PNP: variants seen among roughly 807,000 people sequenced by gnomAD.
PNP encodes the protein purine nucleoside phosphorylase, also known as HEL-S-156an.
A neutral mutation model predicts 26.8 loss-of-function variants in PNP; 18 were observed. The observed-to-expected ratio is 0.67, with a 90% CI of 0.46 to 1.00. PNP has a LOEUF of 1.00. Ranked by LOEUF, PNP falls within the 50% of genes least tolerant of loss-of-function variation. The pLI is 0.00. For synonymous variants in PNP, 116 were observed against 124.8 expected (o/e 0.93, Z 0.47); for missense variants, 320 against 362.9 (o/e 0.88, Z 0.96).
At position 20,469,421 on chromosome 14, in the gene PNP, A is replaced by G. The variant is rs1385546279; in HGVS notation, c.-104A>G. 6 of 1,474,090 alleles carry G rather than the reference A, an allele frequency of 4.1e-6. No homozygotes were observed. The highest frequency in any genetic ancestry group is 5.6e-6 in the Non-Finnish European group (6 of 1,078,180). 91.3% of individuals were successfully genotyped at this position (1,474,090 alleles called of 1,614,324 possible). A position where few individuals can be genotyped will look rare whatever the true frequency, so the allele number is the denominator to read the frequency against. On this transcript the variant is annotated 5_prime_UTR_variant, in exon 1 of 6. Coordinates refer to ENST00000361505, the MANE Select transcript of PNP (RefSeq NM_000270.4). ...CCAGTGAGCCAACTGTGCGAACCAG[A>G]CCCGGCAGCCTTGCTCAGTTCAGCA...
chr14:20,471,039 A>G (rs949322144), intron 1 of PNP, among the ~76,000 whole-genome samples: 2 of 151,228 alleles, frequency 1.3e-5, no homozygotes, highest in African/African-American at 4.9e-5. Flanking sequence ...ATTTTTATTT[A>G]TTTATTTTGG....
At chr14:20,470,043 C>T (rs146589032) in intron 1 of PNP, among the ~76,000 whole-genome samples, 61 of 152,332 alleles carry the variant, frequency 4.0e-4, no homozygotes, top group African/African-American at 1.5e-3. Context: ...TCCTTCCAGA[C>T]TGGCAGTATG....
At chr14:20,474,193 TG>T (rs1209457400) in intron 2 of PNP, 1 of 398,608 alleles carries the variant, frequency 2.5e-6, no homozygotes, top group African/African-American at 2.1e-5. Flanking sequence ...TGTATTATCT[TG>T]AAATTTCTTT....
Position 20,474,775 on chromosome 14 carries a change from G to A in PNP, c.288G>A (p.Val96=), listed in dbSNP as rs750585123. ...TTTTCGGATTGTTTGCTTCGAAGGT[G>A]ACATTCCCAGTGAGGGTTTTCCACC... ...HMYEGYPLWK[V]TFPVRVFHLL... The change falls in exon 4 of 6, where the codon GTG becomes GTA. Residue 96 remains valine (V), a splice_region_variant and synonymous_variant. Transcript: ENST00000361505. 8.7e-6 allele frequency: 14 copies of A among 1,614,044 alleles called. No individual in the cohort carries two copies. Among genetic ancestry groups the A allele is most frequent in the Middle Eastern group, 1.6e-4 (1 of 6,062 alleles).
In PNP at chr14:20,474,037, C is replaced by G. The variant is rs548130087; in HGVS notation, c.182-435C>G. The G allele has an allele frequency of 5.6e-5, 12 of 215,984 alleles. No homozygotes were observed. The East Asian group carries it at 1.4e-3, about 26-fold the overall frequency. 13.4% of individuals were successfully genotyped at this position (215,984 alleles called of 1,614,324 possible). On this transcript the variant is annotated intron_variant, in intron 2 of 5. Coordinates refer to ENST00000361505, the MANE Select transcript of PNP (RefSeq NM_000270.4). ...TCCCCATCCCACTTTCTCACCTTTCCGAGTCCCCAGTGTCTATTATTTCAC... is the reference window on the plus strand; with the variant it reads ...TCCCCATCCCACTTTCTCACCTTTCGGAGTCCCCAGTGTCTATTATTTCAC...
In PNP at chr14:20,474,938, A is replaced by G; in HGVS notation, c.451A>G (p.Asn151Asp). 1 of 1,614,126 alleles carries G rather than the reference A, an allele frequency of 6.2e-7. No homozygotes were observed. Among genetic ancestry groups the G allele is most frequent in the Non-Finnish European group, 8.5e-7 (1 of 1,180,012 alleles). ...FSGQNPLRGP[N>D]DERFGDRFPA... Reference sequence around the variant, plus strand: ...TGGTCAGAACCCTCTCAGAGGGCCCAATGATGAAAGGTATGTATGTTACTC... The same window carrying G: ...TGGTCAGAACCCTCTCAGAGGGCCCGATGATGAAAGGTATGTATGTTACTC... Residue 151 changes from asparagine to aspartate, a missense_variant, in exon 4 of 6, where the codon AAT (asparagine) becomes GAT (aspartate). Transcript: ENST00000361505.
Position 20,472,124 on chromosome 14 carries a change from G to A in PNP, c.12-184G>A, listed in dbSNP as rs370359016. ...GTAGTTTCATATCAGACTTGTAGTG[G>A]GCTTGATTCAGAAAGAAGGGTGGCT... is the stretch of plus-strand genomic sequence containing the variant. On this transcript the variant is annotated intron_variant, in intron 1 of 5. Coordinates refer to ENST00000361505, the MANE Select transcript of PNP (RefSeq NM_000270.4). 2.6e-5 allele frequency among the ~76,000 whole-genome samples: 4 copies of A among 152,102 alleles called. No individual in the cohort carries two copies. In the East Asian group the frequency reaches 5.8e-4, roughly 22 times the overall value.
intron 5 of PNP, 92 bp from the exon 6 acceptor site, chr14:20,476,292 A>T: frequency 9.2e-7 from 1 of 1,083,364 alleles, no homozygotes; most frequent in Non-Finnish European, 1.4e-6. Context: ...GTTTTTTGAG[A>T]TTTTTAATTC....
rs565471155 is a variant in PNP, at chr14:20,474,584, G to T, written c.285+9G>T. The T allele has an allele frequency of 2.5e-6, 4 of 1,610,250 alleles. No homozygotes were observed. The East Asian group carries it at 8.9e-5, about 36-fold the overall frequency. On this transcript the variant is annotated intron_variant, in intron 3 of 5. Transcript: ENST00000361505. The stretch of plus-strand genomic sequence containing the variant: ...GGTACCCACTCTGGAAGGTAAGTCA[G>T]AGGGATAGGTCCGGTTGGATCTGGA...
chr14:20,474,999 C>T (rs1566525722), intron 4 of PNP, 51 bp downstream of exon 4: 3 of 1,613,482 alleles, frequency 1.9e-6, no homozygotes, highest in Non-Finnish European at 1.7e-6. Flanking sequence ...AAAGACTTCT[C>T]TAGGAGCTGT....
Position 20,472,748 on chromosome 14 carries a change from GGTT to G in PNP, c.181+275_181+277del, listed in dbSNP as rs1390803499. The G allele has an allele frequency of 1.0e-5, 5 of 477,548 alleles. No individual in the cohort carries two copies. The East Asian group carries it at 1.1e-4, about 10-fold the overall frequency. The allele number at this position is 477,548 out of a possible 1,614,324, so 29.6% of individuals were successfully genotyped here. On this transcript the variant is annotated intron_variant, in intron 2 of 5. Transcript: ENST00000361505. ...TGACAGGGGCCAAGTAAAGGGCAAG[GGTT>G]GTTTATTTGGTTTACGTAATTTCTC...
At position 20,477,079 on chromosome 14, in the gene PNP, A is replaced by T. The variant is rs940610030; in HGVS notation, c.*478A>T. ...CATAATGTTGTCAGAATAAAGAGAA[A>T]GATGAAATAATTTCATTTTTTTGTG... is the stretch of plus-strand genomic sequence containing the variant. On this transcript the variant is annotated 3_prime_UTR_variant, in exon 6 of 6. Coordinates refer to ENST00000361505, the MANE Select transcript of PNP (RefSeq NM_000270.4). The T allele has an allele frequency of 5.0e-6, 1 of 199,072 alleles. No individual in the cohort carries two copies. The highest frequency in any genetic ancestry group is 1.2e-4 in the East Asian group (1 of 8,152). 12.3% of individuals were successfully genotyped at this position (199,072 alleles called of 1,614,324 possible). A position where few individuals can be genotyped will look rare whatever the true frequency, so the allele number is the denominator to read the frequency against.
chr14:20,472,431 C>G lies in PNP; in HGVS notation c.135C>G (p.Ala45=). ...GTCTGACTGATAAATTAACTCAGGC[C>G]CAGATCTTTGACTACGGTGAAATCC... ...LGGLTDKLTQ[A]QIFDYGEIPN... The change falls in exon 2 of 6, where the codon GCC becomes GCG. Residue 45 remains alanine, a synonymous_variant. Coordinates refer to ENST00000361505, the MANE Select transcript of PNP (RefSeq NM_000270.4). 6.2e-7 allele frequency: 1 copy of G among 1,614,072 alleles called. No individual in the cohort carries two copies. The highest frequency in any genetic ancestry group is 1.1e-5 in the South Asian group (1 of 91,078).
chr14:20,472,038 T>G (rs1280344166), intron 1 of PNP, among the ~76,000 whole-genome samples: 3 of 152,192 alleles, frequency 2.0e-5, no homozygotes, highest in Non-Finnish European at 2.9e-5. Flanking sequence ...GATCCAACAC[T>G]GGAGTTGGGC....
At chr14:20,470,156 C>A (rs769878040) in intron 1 of PNP, among the ~76,000 whole-genome samples, 1 of 152,196 alleles carries the variant, frequency 6.6e-6, no homozygotes, top group South Asian at 2.1e-4. Flanking sequence ...TTTGAAAACT[C>A]TTCTCTCGGC....
At chr14:20,471,936 G>T (rs1479821237) in intron 1 of PNP, among the ~76,000 whole-genome samples, 1 of 152,092 alleles carries the variant, frequency 6.6e-6, no homozygotes, top group Admixed American at 6.6e-5. Context: ...TCCCTAATTT[G>T]ATTATTTCCT....
At chr14:20,470,212 C>T (rs1215539765) in intron 1 of PNP, among the ~76,000 whole-genome samples, 2 of 152,242 alleles carry the variant, frequency 1.3e-5, no homozygotes, top group African/African-American at 4.8e-5. Flanking sequence ...TTAGGCATCA[C>T]AGTTGCTTTT....
In PNP at chr14:20,476,703, C is replaced by T; in HGVS notation, c.*102C>T. ...ATGTGCCTCTGTCCTTAGGTTGTAGCAGAAAGGAAAAGATTCCTGTCCTTC... is the reference window on the plus strand; with the variant it reads ...ATGTGCCTCTGTCCTTAGGTTGTAGTAGAAAGGAAAAGATTCCTGTCCTTC... On this transcript the variant is annotated 3_prime_UTR_variant, in exon 6 of 6. Transcript: ENST00000361505. 2.2e-6 allele frequency: 2 copies of T among 916,194 alleles called. No homozygotes were observed. The highest frequency in any genetic ancestry group is 3.5e-6 in the Non-Finnish European group (2 of 565,410). The allele number at this position is 916,194 out of a possible 1,614,324, so 56.8% of individuals were successfully genotyped here. A position where few individuals can be genotyped will look rare whatever the true frequency, so the allele number is the denominator to read the frequency against.
intron 1 of PNP, chr14:20,469,789 A>G: frequency 1.6e-6 from 1 of 609,774 alleles, no homozygotes; most frequent in Non-Finnish European, 2.9e-6. Flanking sequence ...GGTGCGGTCT[A>G]AGCTACTCCG....
Sources: allele counts gnomAD v4.1 joint callset (sites outside exome capture counted in the v4.1 genomes callset), GRCh38; gene constraint gnomAD v4.1.1; transcripts MANE v1.5; gene names NCBI Gene and HGNC (gene_info 2026-07-23, HGNC 2026-07-21).